The following FAM227B variants were observed in gnomAD, a reference collection of about 807,000 sequenced individuals.
FAM227B encodes the protein family with sequence similarity 227 member B, also known as protein FAM227B.
Under a neutral mutation model 73.8 loss-of-function variants are expected in FAM227B, and 88 were observed. The ratio of observed to expected loss-of-function variants is 1.19; its 90% CI spans 1.00 to 1.42. The LOEUF (loss-of-function observed/expected upper bound fraction) is 1.42. FAM227B is among the 40% of genes most tolerant of loss of function. The probability of loss-of-function intolerance (pLI) is 0.00; values close to 1 mark genes in which losing one functional copy is unlikely to be tolerated. For synonymous variants in FAM227B, 210 were observed against 190.5 expected (o/e 1.10, Z -0.84); for missense variants, 632 against 590.9 (o/e 1.07, Z -0.72).
intron 10 of FAM227B, among the ~76,000 whole-genome samples, chr15:49,528,893 A>C (rs1022640501): frequency 2.0e-4 from 31 of 151,720 alleles, no homozygotes; most frequent in Non-Finnish European, 1.0e-4. Flanking sequence ...TAATACAGTA[A>C]CTCCTATGGG....
chr15:49,550,163 TC>T (rs556212552), intron 9 of FAM227B, among the ~76,000 whole-genome samples: 3 of 73,818 alleles, frequency 4.1e-5, no homozygotes, highest in Non-Finnish European at 7.7e-5. Context: ...AGGGGGCTGA[TC>T]CCCCCACCTC....
At chr15:49,468,237 AT>A (rs1405008254) in intron 11 of FAM227B, among the ~76,000 whole-genome samples, 6 of 152,146 alleles carry the variant, frequency 3.9e-5, no homozygotes, top group African/African-American at 1.4e-4. Context: ...TGTTTGATTT[AT>A]TCCCTAATAA....
chr15:49,491,894 G>A (rs2057141173), intron 11 of FAM227B, among the ~76,000 whole-genome samples: 1 of 151,702 alleles, frequency 6.6e-6, no homozygotes, highest in Admixed American at 6.6e-5. Context: ...AATTCCCCAT[G>A]TAATCTGGTA....
At chr15:49,579,304 G>A (rs1281828382) in intron 5 of FAM227B, among the ~76,000 whole-genome samples, 2 of 152,060 alleles carry the variant, frequency 1.3e-5, no homozygotes, top group African/African-American at 4.8e-5. Flanking sequence ...CCACTACTCA[G>A]TATCTCTCCA....
intron 11 of FAM227B, among the ~76,000 whole-genome samples, chr15:49,454,931 T>G (rs951426827): frequency 1.4e-4 from 21 of 152,132 alleles, no homozygotes; most frequent in African/African-American, 4.6e-4. Context: ...TAAAGCACTC[T>G]CTGCAGGCCT....
At chr15:49,475,004 G>A (rs958628581) in intron 11 of FAM227B, among the ~76,000 whole-genome samples, 9 of 141,390 alleles carry the variant, frequency 6.4e-5, no homozygotes, top group Non-Finnish European at 1.2e-4. Context: ...ATAAAAGATA[G>A]AATAAACTAT....
chr15:49,591,559 C>T lies in FAM227B; in HGVS notation c.106-1552G>A, dbSNP rs1244204553. On this transcript the variant is annotated intron_variant, in intron 3 of 15. Transcript: ENST00000299338. ...GGAGTGCAGTGGCACGATCTTGGCT[C>T]GCCACAACCTCCGCCTCCAAGGTTC... Among the ~76,000 whole-genome samples the T allele has an allele frequency of 7.9e-5, 11 of 138,638 alleles. No homozygotes were observed. The East Asian group carries it at 8.6e-4, about 11-fold the overall frequency. 91.0% of individuals were successfully genotyped at this position (138,638 alleles called of 152,430 possible).
chr15:49,601,586 G>A lies in FAM227B; in HGVS notation c.105+9629C>T, dbSNP rs117107704. On this transcript the variant is annotated intron_variant, in intron 3 of 15. Coordinates refer to ENST00000299338, the MANE Select transcript of FAM227B (RefSeq NM_152647.3). ...TAGGCATGCAATGCATAATAATCAC[G>A]TCATGAAAAATGGGGTAACCATCCC... Among the ~76,000 whole-genome samples, 1,321 of 152,214 alleles carry A rather than the reference G, an allele frequency of 8.7e-3. 30 individuals carry two copies. The highest frequency in any genetic ancestry group is 0.071 in the South Asian group (342 of 4,824).
At chr15:49,516,144 T>A (rs576114062) in intron 10 of FAM227B, among the ~76,000 whole-genome samples, 48 of 152,228 alleles carry the variant, frequency 3.2e-4, no homozygotes, top group East Asian at 9.6e-4. Flanking sequence ...CTTAAAAAAA[T>A]TTTTTTATTG....
At chr15:49,422,120 TAGAG>T (rs3075167) in intron 11 of FAM227B, among the ~76,000 whole-genome samples, 1,410 of 134,474 alleles carry the variant, frequency 0.01, 17 homozygotes, top group African/African-American at 0.029. Flanking sequence ...GCATTTCACA[TAGAG>T]AGAGAGAGAG....
intron 11 of FAM227B, chr15:49,424,508 T>C: frequency 1.9e-6 from 3 of 1,613,338 alleles, no homozygotes; most frequent in Non-Finnish European, 2.5e-6. Context: ...AAGACTCTTC[T>C]GTCGAACACA....
chr15:49,583,054 C>T (rs890762377), intron 5 of FAM227B, among the ~76,000 whole-genome samples: 2 of 151,906 alleles, frequency 1.3e-5, no homozygotes, highest in African/African-American at 4.8e-5. Context: ...AACCTAACAT[C>T]ACAACTAAAA....
At chr15:49,328,717 G>C (rs1308649483) in intron 15 of FAM227B, 42 bp from the exon 16 acceptor site, 5 of 1,541,356 alleles carry the variant, frequency 3.2e-6, no homozygotes, top group East Asian at 2.5e-5. Flanking sequence ...AGATCTTCTT[G>C]GACATTGTAT....
intron 1 of FAM227B, among the ~76,000 whole-genome samples, chr15:49,619,166 G>C (rs572363583): frequency 1.4e-4 from 21 of 151,338 alleles, no homozygotes; most frequent in South Asian, 4.2e-4. Context: ...TCTTTTGTGA[G>C]GAAAAAAAAA....
At chr15:49,495,561 C>T (rs1211520950) in intron 11 of FAM227B, among the ~76,000 whole-genome samples, 1 of 152,112 alleles carries the variant, frequency 6.6e-6, no homozygotes, top group Non-Finnish European at 1.5e-5. Context: ...CACTCCTTAG[C>T]TGTGCAAATT....
rs143135128 is a variant in FAM227B, at chr15:49,371,350, C to T, written c.1062G>A (p.Thr354=). Residue 354 remains threonine (T), a synonymous_variant, in exon 12 of 16, where the codon ACG becomes ACA. Transcript: ENST00000299338. ...TTGATTCTTCCTTGGATATGGGCAA[C>T]GTATATGCTCTTGGGTTGTTCAGAA... ...IKILNNPRAY[T]LPISKEESRL... is the part of the protein sequence containing the mutation. The T allele has an allele frequency of 1.0e-4, 161 of 1,603,538 alleles. No homozygotes were observed. In the African/African-American group the frequency reaches 1.5e-3, roughly 15 times the overall value.
chr15:49,577,248 G>A (rs1160906769), intron 6 of FAM227B: 4 of 347,758 alleles, frequency 1.2e-5, no homozygotes, highest in East Asian at 9.9e-5. Flanking sequence ...AGTGAGCCAC[G>A]GTTGCGCCAC....
chr15:49,355,521 A>T (rs1257141902), intron 13 of FAM227B, among the ~76,000 whole-genome samples: 1 of 152,180 alleles, frequency 6.6e-6, no homozygotes, highest in Admixed American at 6.5e-5. Flanking sequence ...GAAATGAAGC[A>T]AGAAGGGAAG....
chr15:49,560,928 C>G (rs1022946572), intron 9 of FAM227B, among the ~76,000 whole-genome samples: 10 of 152,028 alleles, frequency 6.6e-5, no homozygotes, highest in African/African-American at 2.4e-4. Context: ...CAAAATTAAA[C>G]TTAAGTATAT....
Sources: gnomAD v4.1 joint callset for allele counts (sites outside exome capture counted in the v4.1 genomes callset) on GRCh38, gnomAD v4.1.1 for gene constraint, MANE v1.5 for transcripts, NCBI Gene and HGNC (gene_info 2026-07-23, HGNC 2026-07-21) for gene names.